The following PCDHA11 variants were observed in gnomAD, a reference collection of about 807,000 sequenced individuals.
The protein encoded by PCDHA11 is protocadherin alpha-11.
A neutral mutation model predicts 70.3 loss-of-function variants in PCDHA11; 61 were observed. The observed-to-expected ratio is 0.87, with a 90% CI of 0.71 to 1.07. PCDHA11 has a LOEUF of 1.07. Among genes scored for constraint, PCDHA11 ranks in the 50% least tolerant of loss-of-function variants. The pLI is 0.00. For missense variants in PCDHA11, 1,324 were observed against 1,237.5 expected, an observed-to-expected ratio of 1.07 and a Z score of -1.05; for synonymous variants, 633 against 555.1, an observed-to-expected ratio of 1.14 and a Z score of -1.97.
chr5:140,985,533 G>T (rs2097156708), intron 3 of PCDHA11, among the ~76,000 whole-genome samples: 1 of 152,082 alleles, frequency 6.6e-6, no homozygotes, highest in Admixed American at 6.6e-5. Context: ...AAGCTTCACG[G>T]TGAAGATGCA....
At chr5:140,879,653 AACAAACGAAC>A (rs1168940497) in intron 1 of PCDHA11, among the ~76,000 whole-genome samples, 1 of 152,232 alleles carries the variant, frequency 6.6e-6, no homozygotes, top group African/African-American at 2.4e-5. Flanking sequence ...TGGCTGCTAT[AACAAACGAAC>A]ACAAACTGGG....
intron 1 of PCDHA11, chr5:140,881,257 C>T (rs2058639669): frequency 2.0e-6 from 1 of 512,572 alleles, no homozygotes; most frequent in Non-Finnish European, 2.5e-6. Context: ...CAAGGTTTTA[C>T]TCAGTGATGA....
intron 1 of PCDHA11, among the ~76,000 whole-genome samples, chr5:140,952,668 T>C (rs960968372): frequency 6.6e-6 from 1 of 152,234 alleles, no homozygotes. Context: ...CAAAGTCACT[T>C]TCACATTTTC....
chr5:140,881,669 T>C (rs1030695213), intron 1 of PCDHA11, among the ~76,000 whole-genome samples: 17 of 152,248 alleles, frequency 1.1e-4, no homozygotes, highest in African/African-American at 4.1e-4. Context: ...TTTATTCTTA[T>C]GTGATTGTTA....
rs547096956 is a variant in PCDHA11, at chr5:140,967,167, T to C, written c.2392-11782T>C. 6.2e-6 allele frequency: 10 copies of C among 1,611,120 alleles called. No homozygotes were observed. In the Admixed American group the frequency reaches 8.3e-5, roughly 13 times the overall value. ...CACAACCCCGTGGCGGTGAGCGCCG[T>C]TGAGGTGGAAATATTGGACATCAAC... is the stretch of plus-strand genomic sequence containing the variant. On this transcript the variant is annotated intron_variant, in intron 1 of 3. Transcript: ENST00000398640.
At chr5:140,928,099 C>T in intron 1 of PCDHA11, 5 of 1,614,204 alleles carry the variant, frequency 3.1e-6, no homozygotes, top group Non-Finnish European at 4.2e-6. Context: ...TGATGGGCCC[C>T]TGGACCGGGA....
At chr5:140,989,598 TA>T (rs1554250927) in intron 3 of PCDHA11, among the ~76,000 whole-genome samples, 1 of 152,144 alleles carries the variant, frequency 6.6e-6, no homozygotes, top group Non-Finnish European at 1.5e-5. Flanking sequence ...CTGACACAAG[TA>T]AACTAAAAAT....
chr5:140,882,120 C>G, intron 1 of PCDHA11: 4 of 1,448,936 alleles, frequency 2.8e-6, no homozygotes. Flanking sequence ...GCCGCCGTTT[C>G]TTTCTTCCTG....
At chr5:140,984,824 C>A (rs920985683) in intron 3 of PCDHA11, among the ~76,000 whole-genome samples, 1 of 152,098 alleles carries the variant, frequency 6.6e-6, no homozygotes, top group Non-Finnish European at 1.5e-5. Context: ...TCTTAATTAC[C>A]CTTTCTGTAA....
At chr5:140,954,427 C>T (rs545024696) in intron 1 of PCDHA11, among the ~76,000 whole-genome samples, 1 of 152,200 alleles carries the variant, frequency 6.6e-6, no homozygotes, top group Admixed American at 6.5e-5. Context: ...CCTTTTTCTC[C>T]ATCTGTTGTT....
chr5:140,882,100 C>T, intron 1 of PCDHA11: 1 of 1,277,590 alleles, frequency 7.8e-7, no homozygotes, highest in Non-Finnish European at 1.1e-6. Flanking sequence ...AGAACGTTTC[C>T]GCGAAGAAAG....
chr5:140,875,305 C>T, intron 1 of PCDHA11: 1 of 1,420,254 alleles, frequency 7.0e-7, no homozygotes, highest in South Asian at 1.6e-5. Context: ...TTTCTCCGCA[C>T]CCACATTCCA....
Position 141,010,344 on chromosome 5 carries a change from G to C in PCDHA11, c.*407G>C. ...CAGCTTGGGAGTTTGTGGCCACTGG[G>C]TATGTGTGGCTACCGCGGGTATGCG... is the stretch of plus-strand genomic sequence containing the variant. On this transcript the variant is annotated 3_prime_UTR_variant, in exon 4 of 4. Transcript: ENST00000398640. 1 of 1,518,888 alleles carries C rather than the reference G, an allele frequency of 6.6e-7. No homozygotes were observed. Among genetic ancestry groups the C allele is most frequent in the Non-Finnish European group, 8.8e-7 (1 of 1,132,764 alleles). The allele number at this position is 1,518,888 out of a possible 1,614,324, so 94.1% of individuals were successfully genotyped here.
chr5:141,007,395 CAAAAAA>C (rs35800918), intron 3 of PCDHA11, among the ~76,000 whole-genome samples: 3 of 94,844 alleles, frequency 3.2e-5, no homozygotes, highest in East Asian at 2.9e-4. Flanking sequence ...TACTAAAATA[CAAAAAA>C]AAAAAAAAAA....
intron 3 of PCDHA11, among the ~76,000 whole-genome samples, chr5:140,987,258 G>A (rs1292743876): frequency 6.6e-6 from 1 of 151,918 alleles, no homozygotes; most frequent in Non-Finnish European, 1.5e-5. Context: ...ACATTCTCAG[G>A]AATGGGACCC....
intron 1 of PCDHA11, among the ~76,000 whole-genome samples, chr5:140,976,713 T>TA (rs1554237898): frequency 6.6e-6 from 1 of 152,216 alleles, no homozygotes; most frequent in Admixed American, 6.5e-5. Flanking sequence ...CTTTGCATTA[T>TA]AGTTCATTTA....
intron 1 of PCDHA11, among the ~76,000 whole-genome samples, chr5:140,889,996 A>G (rs1162958741): frequency 5.3e-5 from 8 of 152,152 alleles, no homozygotes; most frequent in African/African-American, 1.9e-4. Flanking sequence ...TAGCTTTCCA[A>G]GCTTAGGTGC....
At chr5:140,920,718 C>A (rs183020461) in intron 1 of PCDHA11, among the ~76,000 whole-genome samples, 3 of 152,168 alleles carry the variant, frequency 2.0e-5, no homozygotes, top group East Asian at 3.9e-4. Context: ...GTGGTGTGCG[C>A]CTGCAGTCCC....
At chr5:140,938,535 T>C (rs1213072173) in intron 1 of PCDHA11, among the ~76,000 whole-genome samples, 2 of 140,516 alleles carry the variant, frequency 1.4e-5, no homozygotes, top group African/African-American at 2.6e-5. Flanking sequence ...ATGGATAATA[T>C]GGATTTTTAT....
Sources: gnomAD v4.1 joint callset for allele counts (sites outside exome capture counted in the v4.1 genomes callset) on GRCh38, gnomAD v4.1.1 for gene constraint, MANE v1.5 for transcripts, NCBI Gene and HGNC (gene_info 2026-07-23, HGNC 2026-07-21) for gene names.